Variants in ASAP1 observed in about 807,000 individuals in gnomAD.
ASAP1 encodes the protein ArfGAP with SH3 domain, ankyrin repeat and PH domain 1.
A neutral mutation model predicts 145.2 loss-of-function variants in ASAP1; 43 were observed. That is an observed-to-expected ratio of 0.30 (90% CI 0.23 to 0.38). ASAP1 has a LOEUF of 0.38. Ranked by LOEUF, ASAP1 falls within the 10% of genes least tolerant of loss-of-function variation. The pLI is 1.00. For missense variants in ASAP1, 1,018 were observed against 1,355.3 expected (o/e 0.75, Z 3.91); for synonymous variants, 546 against 515.5 (o/e 1.06, Z -0.80).
intron 3 of ASAP1, among the ~76,000 whole-genome samples, chr8:130,249,367 G>A (rs1299658360): frequency 6.6e-6 from 1 of 152,022 alleles, no homozygotes; most frequent in Non-Finnish European, 1.5e-5. Flanking sequence ...TTATATTCCT[G>A]GTTCTCCAAG....
chr8:130,179,664 G>GT (rs1814210663), intron 8 of ASAP1, among the ~76,000 whole-genome samples: 2 of 152,024 alleles, frequency 1.3e-5, no homozygotes, highest in African/African-American at 4.8e-5. Context: ...GTCAAAAACT[G>GT]GAAAGATTGA....
intron 4 of ASAP1, among the ~76,000 whole-genome samples, chr8:130,219,130 T>C (rs1439322899): frequency 6.6e-6 from 1 of 151,284 alleles, no homozygotes; most frequent in East Asian, 1.9e-4. Flanking sequence ...TATATATCCA[T>C]GACTACTTAC....
At chr8:130,080,641 T>C (rs1231202473) in intron 25 of ASAP1, among the ~76,000 whole-genome samples, 2 of 150,232 alleles carry the variant, frequency 1.3e-5, no homozygotes, top group African/African-American at 4.9e-5. Context: ...AATATTAACT[T>C]TTTTTTTTTG....
chr8:130,349,085 G>C (rs1487698258), intron 3 of ASAP1, among the ~76,000 whole-genome samples: 2 of 152,198 alleles, frequency 1.3e-5, no homozygotes, highest in Non-Finnish European at 2.9e-5. Context: ...GGGTCAAAGT[G>C]GGCAGCACTG....
intron 2 of ASAP1, chr8:130,361,853 C>G (rs949109282): frequency 9.1e-6 from 9 of 990,520 alleles, no homozygotes; most frequent in Non-Finnish European, 1.4e-5. Context: ...TATACACCAT[C>G]CTCCCCAAAG....
chr8:130,380,734 A>C (rs11778504), intron 2 of ASAP1, among the ~76,000 whole-genome samples: 5,234 of 152,304 alleles, frequency 0.034, 124 homozygotes, highest in Middle Eastern at 0.065. Flanking sequence ...AAATTAATTT[A>C]ATTTTTTTAG....
At chr8:130,403,644 C>A (rs996496579) in intron 1 of ASAP1, among the ~76,000 whole-genome samples, 2 of 150,808 alleles carry the variant, frequency 1.3e-5, no homozygotes, top group Non-Finnish European at 2.9e-5. Context: ...CCTCCACCTC[C>A]TGGGTTCAAT....
intron 5 of ASAP1, among the ~76,000 whole-genome samples, chr8:130,203,789 C>A (rs964653069): frequency 6.6e-6 from 1 of 152,166 alleles, no homozygotes; most frequent in Non-Finnish European, 1.5e-5. Context: ...ACTTCCAGAT[C>A]TGGGCCTAAA....
At chr8:130,168,652 C>G (rs1366314839) in intron 10 of ASAP1, among the ~76,000 whole-genome samples, 1 of 152,120 alleles carries the variant, frequency 6.6e-6, no homozygotes, top group Non-Finnish European at 1.5e-5. Flanking sequence ...CCTGCCTATT[C>G]AGAGTCAATT....
chr8:130,316,938 TAAG>T (rs1328414547), intron 3 of ASAP1, among the ~76,000 whole-genome samples: 1 of 152,212 alleles, frequency 6.6e-6, no homozygotes, highest in Non-Finnish European at 1.5e-5. Flanking sequence ...GACAACTCAT[TAAG>T]AAGAGTCTAA....
chr8:130,395,432 C>G (rs1828481838), intron 2 of ASAP1, among the ~76,000 whole-genome samples: 1 of 152,208 alleles, frequency 6.6e-6, no homozygotes, highest in Admixed American at 6.5e-5. Context: ...GTCCCGCAAT[C>G]CAGTATGACT....
At chr8:130,105,572 T>G (rs148196048) in intron 24 of ASAP1, among the ~76,000 whole-genome samples, 262 of 152,354 alleles carry the variant, frequency 1.7e-3, no homozygotes, top group Non-Finnish European at 3.4e-3. Context: ...CTCTTGAACT[T>G]ATTCCTCCTA....
At chr8:130,172,426 G>A (rs1264139707) in intron 9 of ASAP1, among the ~76,000 whole-genome samples, 1 of 151,794 alleles carries the variant, frequency 6.6e-6, no homozygotes, top group Non-Finnish European at 1.5e-5. Flanking sequence ...AGAAACTACT[G>A]AAATAAACAT....
intron 9 of ASAP1, 68 bp from the exon 10 acceptor site, chr8:130,169,135 G>A (rs1025973887): frequency 1.0e-6 from 1 of 1,003,806 alleles, no homozygotes; most frequent in East Asian, 2.4e-5. Context: ...TCCTTATGTG[G>A]AAATAAAAAA....
intron 3 of ASAP1, among the ~76,000 whole-genome samples, chr8:130,320,263 G>T (rs779954017): frequency 6.6e-6 from 1 of 152,132 alleles, no homozygotes; most frequent in Non-Finnish European, 1.5e-5. Flanking sequence ...AAGATCATAA[G>T]AAATACAGAG....
chr8:130,160,411 C>T (rs1371848909), intron 11 of ASAP1, among the ~76,000 whole-genome samples: 1 of 152,204 alleles, frequency 6.6e-6, no homozygotes, highest in Non-Finnish European at 1.5e-5. Context: ...TGCCAATATG[C>T]CCCCAAATAA....
At chr8:130,184,020 C>T (rs1814547042) in intron 7 of ASAP1, among the ~76,000 whole-genome samples, 1 of 152,108 alleles carries the variant, frequency 6.6e-6, no homozygotes, top group Non-Finnish European at 1.5e-5. Flanking sequence ...ATATTATTGA[C>T]AGGTGTCTGA....
intron 3 of ASAP1, among the ~76,000 whole-genome samples, chr8:130,266,807 T>C (rs1333623964): frequency 4.6e-5 from 7 of 151,992 alleles, no homozygotes; most frequent in Non-Finnish European, 7.4e-5. Flanking sequence ...GATAGACAGA[T>C]ATAAATACAC....
At chr8:130,274,110 C>T (rs540542868) in intron 3 of ASAP1, among the ~76,000 whole-genome samples, 1 of 152,214 alleles carries the variant, frequency 6.6e-6, no homozygotes, top group Non-Finnish European at 1.5e-5. Context: ...CTATGACTCA[C>T]AATACCTTAT....
Sources: gnomAD v4.1 joint callset for allele counts (sites outside exome capture counted in the v4.1 genomes callset) on GRCh38, gnomAD v4.1.1 for gene constraint, MANE v1.5 for transcripts, NCBI Gene and HGNC (gene_info 2026-07-23, HGNC 2026-07-21) for gene names.